CCBE1: variants seen among roughly 807,000 people sequenced by gnomAD.
The protein encoded by CCBE1 is collagen and calcium binding EGF domains 1.
Under a neutral mutation model 50.0 loss-of-function variants are expected in CCBE1, and 37 were observed. That is an observed-to-expected ratio of 0.74 (90% CI 0.57 to 0.97). The LOEUF (loss-of-function observed/expected upper bound fraction) is 0.97, where lower values mean the gene tolerates loss of function less well. CCBE1 is among the 50% of genes least tolerant of loss of function. CCBE1 has a pLI of 0.00. For synonymous variants in CCBE1, 234 were observed against 203.7 expected (o/e 1.15, Z -1.27); for missense variants, 538 against 523.8 (o/e 1.03, Z -0.26).
In CCBE1 at chr18:59,654,586, T is replaced by C. The variant is rs143923246; in HGVS notation, c.212+42043A>G. ...TTGCAGTGAGCCGAGATCGCGCCAC[T>C]GTACTCCAGCCTGGGTGACAGAATG... is the stretch of plus-strand genomic sequence containing the variant. On this transcript the variant is annotated intron_variant, in intron 2 of 10. Transcript: ENST00000439986. Among the ~76,000 whole-genome samples the C allele has an allele frequency of 8.3e-3, 1,260 of 152,140 alleles. 8 individuals are homozygous for C. The highest frequency in any genetic ancestry group is 0.028 in the African/African-American group (1,174 of 41,486).
intron 2 of CCBE1, among the ~76,000 whole-genome samples, chr18:59,581,265 AC>A (rs1478490636): frequency 6.6e-6 from 1 of 151,956 alleles, no homozygotes; most frequent in African/African-American, 2.4e-5. Context: ...ACATGGTGAA[AC>A]CCCATCTCTA....
rs774357011 is a variant in CCBE1, at chr18:59,455,025, A to T, written c.554-74T>A. On this transcript the variant is annotated intron_variant, in intron 5 of 10. Coordinates refer to ENST00000439986, the MANE Select transcript of CCBE1 (RefSeq NM_133459.4). ...CAGACCCAGAGAGACAGCATCGGGA[A>T]GGGCGGTCCCAGGGACAGAGTAGCT... is the stretch of plus-strand genomic sequence containing the variant. The T allele has an allele frequency of 4.2e-6, 5 of 1,203,732 alleles. No homozygotes were observed. In the Admixed American group the frequency reaches 8.5e-5, roughly 20 times the overall value. The allele number at this position is 1,203,732 out of a possible 1,614,324, so 74.6% of individuals were successfully genotyped here.
intron 2 of CCBE1, among the ~76,000 whole-genome samples, chr18:59,612,405 C>G (rs2144585744): frequency 6.6e-6 from 1 of 152,012 alleles, no homozygotes; most frequent in East Asian, 1.9e-4. Context: ...CAGAGGGCCC[C>G]AGCCTCCTGT....
intron 5 of CCBE1, among the ~76,000 whole-genome samples, chr18:59,463,663 T>A (rs9957984): frequency 0.054 from 8,149 of 152,288 alleles, 716 homozygotes; most frequent in African/African-American, 0.18. Context: ...AGGCAGGAAC[T>A]CCTTGTGGGC....
chr18:59,630,432 G>A (rs1221030589), intron 2 of CCBE1, among the ~76,000 whole-genome samples: 1 of 152,206 alleles, frequency 6.6e-6, no homozygotes, highest in African/African-American at 2.4e-5. Context: ...CAGTGGCTTA[G>A]GAAAACCACC....
At chr18:59,695,087 G>T (rs1173333858) in intron 2 of CCBE1, among the ~76,000 whole-genome samples, 1 of 152,150 alleles carries the variant, frequency 6.6e-6, no homozygotes, top group Non-Finnish European at 1.5e-5. Flanking sequence ...GGCACCAAAT[G>T]GTTTCTGAAA....
intron 2 of CCBE1, among the ~76,000 whole-genome samples, chr18:59,664,626 C>T (rs993433242): frequency 6.6e-6 from 1 of 152,144 alleles, no homozygotes; most frequent in Non-Finnish European, 1.5e-5. Flanking sequence ...CAGGCTGCTG[C>T]CATTAAGCAC....
At chr18:59,575,177 G>T (rs1346839162) in intron 2 of CCBE1, among the ~76,000 whole-genome samples, 1 of 152,126 alleles carries the variant, frequency 6.6e-6, no homozygotes, top group African/African-American at 2.4e-5. Context: ...CTGATGCCTT[G>T]ATCTCAGACT....
chr18:59,584,074 A>T (rs1442925693), intron 2 of CCBE1, among the ~76,000 whole-genome samples: 1 of 152,138 alleles, frequency 6.6e-6, no homozygotes, highest in Non-Finnish European at 1.5e-5. Flanking sequence ...GGCATTATTC[A>T]CAATAGCAAA....
intron 2 of CCBE1, among the ~76,000 whole-genome samples, chr18:59,596,756 G>A (rs142156595): frequency 3.3e-5 from 5 of 152,156 alleles, no homozygotes; most frequent in Non-Finnish European, 5.9e-5. Context: ...ACTGTGACCC[G>A]ACCATCAATG....
chr18:59,540,548 A>G (rs1323840689), intron 2 of CCBE1, among the ~76,000 whole-genome samples: 2 of 152,022 alleles, frequency 1.3e-5, no homozygotes. Context: ...TTCCTTTTGG[A>G]CTTCCTACAG....
intron 2 of CCBE1, among the ~76,000 whole-genome samples, chr18:59,644,939 G>T (rs1032572934): frequency 1.3e-5 from 2 of 152,132 alleles, no homozygotes; most frequent in African/African-American, 4.8e-5. Context: ...ACATAAACAG[G>T]GATGAAAAGT....
In CCBE1 at chr18:59,573,403, T is replaced by C. The variant is rs542032099; in HGVS notation, c.213-93165A>G. Among the ~76,000 whole-genome samples, 153 of 150,980 alleles carry C rather than the reference T, an allele frequency of 1.0e-3. 2 individuals are homozygous for C. Among genetic ancestry groups the C allele is most frequent in the South Asian group, 9.9e-3 (47 of 4,748 alleles). The stretch of plus-strand genomic sequence containing the variant: ...CCTACCTCCAGACGGCAACACAAAA[T>C]CTGCCTGTGTTTCCAGTCTTCAGAC... On this transcript the variant is annotated intron_variant, in intron 2 of 10. Transcript: ENST00000439986.
intron 2 of CCBE1, among the ~76,000 whole-genome samples, chr18:59,615,573 C>T (rs1243522148): frequency 3.3e-5 from 5 of 151,736 alleles, no homozygotes; most frequent in African/African-American, 7.3e-5. Context: ...TCACACTATA[C>T]TACAGTTAAT....
At chr18:59,668,819 C>CTTTTTTTTTTT (rs34632549) in intron 2 of CCBE1, among the ~76,000 whole-genome samples, 60 of 99,166 alleles carry the variant, frequency 6.1e-4, no homozygotes, top group Non-Finnish European at 7.8e-4. Context: ...TTCCATAAGT[C>CTTTTTTTTTTT]TTTTTTTTTT....
intron 2 of CCBE1, among the ~76,000 whole-genome samples, chr18:59,524,795 G>A (rs1302059929): frequency 6.6e-6 from 1 of 152,130 alleles, no homozygotes; most frequent in Non-Finnish European, 1.5e-5. Flanking sequence ...TCCTCCCTGT[G>A]TCCATGTGTT....
chr18:59,443,835 G>A (rs901161234), intron 7 of CCBE1, among the ~76,000 whole-genome samples: 1 of 152,092 alleles, frequency 6.6e-6, no homozygotes, highest in African/African-American at 2.4e-5. Flanking sequence ...TTGTGCAACA[G>A]ATCTCTATAA....
rs367704592 is a variant in CCBE1 at position 59,536,271 on chromosome 18, G to A, written c.213-56033C>T. Among the ~76,000 whole-genome samples the A allele has an allele frequency of 8.8e-4, 134 of 152,206 alleles. 2 individuals are homozygous for A. In the South Asian group the frequency reaches 9.5e-3, roughly 11 times the overall value. Reference sequence around the variant, plus strand: ...TCTGACGGTGTGCCATCTGCGAGGTGCCCAGCATCCGCATAGAGCCTGGAC... The same window carrying A: ...TCTGACGGTGTGCCATCTGCGAGGTACCCAGCATCCGCATAGAGCCTGGAC... On this transcript the variant is annotated intron_variant, in intron 2 of 10. Transcript: ENST00000439986.
chr18:59,621,174 C>G (rs938238596), intron 2 of CCBE1, among the ~76,000 whole-genome samples: 1 of 152,202 alleles, frequency 6.6e-6, no homozygotes, highest in Admixed American at 6.5e-5. Context: ...TGATGTATCA[C>G]TCACTGGGGC....
Sources: allele counts gnomAD v4.1 joint callset (sites outside exome capture counted in the v4.1 genomes callset), GRCh38; gene constraint gnomAD v4.1.1; transcripts MANE v1.5; gene names NCBI Gene and HGNC (gene_info 2026-07-23, HGNC 2026-07-21).